Variants in PLB1 observed in about 807,000 individuals in gnomAD.
PLB1 encodes the protein phospholipase B1, also known as phospholipase B1, membrane-associated.
In PLB1, 242 loss-of-function variants were observed where a neutral mutation model predicts 227.4. The observed-to-expected ratio is 1.06, with a 90% CI of 0.96 to 1.18. PLB1 has a LOEUF of 1.18. PLB1 is among the 50% of genes most tolerant of loss of function. The pLI, the probability that PLB1 is intolerant of heterozygous loss-of-function variation, is 0.00. For synonymous variants in PLB1, 757 were observed against 682.2 expected (o/e 1.11, Z -1.71); for missense variants, 1,858 against 1,816.3 (o/e 1.02, Z -0.42).
At chr2:28,634,508 A>T (rs1266152061) in intron 56 of PLB1, among the ~76,000 whole-genome samples, 1 of 152,080 alleles carries the variant, frequency 6.6e-6, no homozygotes, top group Admixed American at 6.6e-5. Flanking sequence ...TGGCACTCCA[A>T]GTCTGCTTAA....
Position 28,547,905 on chromosome 2 carries a change from A to C in PLB1, c.937-955A>C, listed in dbSNP as rs17006995. 7.2e-3 allele frequency among the ~76,000 whole-genome samples: 1,101 copies of C among 152,204 alleles called. 15 individuals carry two copies. The highest frequency in any genetic ancestry group is 0.025 in the African/African-American group (1,022 of 41,500). Reference sequence around the variant, plus strand: ...ATTCTTTAACGGCCTTCACTTCCCTATGTCTAATGCTTTACTAAGTTGATA... The same window carrying C: ...ATTCTTTAACGGCCTTCACTTCCCTCTGTCTAATGCTTTACTAAGTTGATA... On this transcript the variant is annotated intron_variant, in intron 14 of 57. Coordinates refer to ENST00000327757, the MANE Select transcript of PLB1 (RefSeq NM_153021.5).
chr2:28,596,732 C>G (rs1445671712), intron 33 of PLB1, among the ~76,000 whole-genome samples: 1 of 152,242 alleles, frequency 6.6e-6, no homozygotes, highest in Non-Finnish European at 1.5e-5. Context: ...GCTCAGACAT[C>G]TAACGGAAGG....
rs754451262 is a variant in PLB1, at chr2:28,632,031, C to G, written c.3898-5C>G. On this transcript the variant is annotated splice_polypyrimidine_tract_variant and splice_region_variant and intron_variant, in intron 54 of 57. Transcript: ENST00000327757. The stretch of plus-strand genomic sequence containing the variant: ...GGGTTGAGCAGCTTCTCTCTCTGTC[C>G]CCAGCATGGCATCTCCAGTTTCTCC... 1 of 1,612,070 alleles carries G rather than the reference C, an allele frequency of 6.2e-7. No homozygotes were observed. The highest frequency in any genetic ancestry group is 8.5e-7 in the Non-Finnish European group (1 of 1,178,378).
Position 28,498,413 on chromosome 2 carries a change from A to G in PLB1, c.55+2244A>G, listed in dbSNP as rs550050084. ...AAAATATTGTGTTCAGGCACATGCC[A>G]CCATGCCTGGCTAATTTTAGTATTT... On this transcript the variant is annotated intron_variant, in intron 1 of 57. Coordinates refer to ENST00000327757, the MANE Select transcript of PLB1 (RefSeq NM_153021.5). Among the ~76,000 whole-genome samples the G allele has an allele frequency of 2.3e-3, 338 of 147,692 alleles. 5 individuals carry two copies. Among genetic ancestry groups the G allele is most frequent in the Non-Finnish European group, 3.0e-3 (195 of 65,670 alleles).
chr2:28,613,658 C>T (rs527542405), intron 43 of PLB1, among the ~76,000 whole-genome samples: 73 of 152,222 alleles, frequency 4.8e-4, no homozygotes, highest in African/African-American at 1.8e-3. Flanking sequence ...TATTGATAAT[C>T]ATAACACTTT....
At chr2:28,636,090 A>T (rs1689329590) in intron 56 of PLB1, among the ~76,000 whole-genome samples, 1 of 151,580 alleles carries the variant, frequency 6.6e-6, no homozygotes, top group African/African-American at 2.4e-5. Flanking sequence ...ACAGAGTCTC[A>T]CTCTGTTGCC....
chr2:28,530,272 A>G (rs1244310613), intron 8 of PLB1, among the ~76,000 whole-genome samples: 1 of 152,114 alleles, frequency 6.6e-6, no homozygotes. Flanking sequence ...TCCAGGTGAG[A>G]CTGGTTTGAG....
At chr2:28,531,441 A>G (rs1476415655) in intron 8 of PLB1, among the ~76,000 whole-genome samples, 1 of 152,048 alleles carries the variant, frequency 6.6e-6, no homozygotes, top group African/African-American at 2.4e-5. Context: ...CCTCCCAAGT[A>G]GCTGGGATTA....
Position 28,641,007 on chromosome 2 carries a change from TA to T in PLB1, c.4173+9del, listed in dbSNP as rs1427597354. On this transcript the variant is annotated splice_region_variant and intron_variant, in intron 57 of 57. Transcript: ENST00000327757. Reference sequence around the variant, plus strand: ...AACTCAAGTGCCCCTCTCCTGTGAGTAAACGTCCTGCCTGCCCCAGGTGGAA... The same window carrying T: ...AACTCAAGTGCCCCTCTCCTGTGAGTAACGTCCTGCCTGCCCCAGGTGGAA... 6.2e-7 allele frequency: 1 copy of T among 1,612,432 alleles called. No homozygotes were observed. The highest frequency in any genetic ancestry group is 8.5e-7 in the Non-Finnish European group (1 of 1,179,280).
chr2:28,541,528 C>T (rs1054628267), intron 12 of PLB1, among the ~76,000 whole-genome samples, 179 bp from the exon 13 acceptor site: 1 of 152,210 alleles, frequency 6.6e-6, no homozygotes, highest in African/African-American at 2.4e-5. Context: ...AATGAAAACT[C>T]AGCTTAGCTA....
intron 43 of PLB1, among the ~76,000 whole-genome samples, chr2:28,607,081 G>A (rs1405221753): frequency 1.3e-5 from 2 of 152,168 alleles, no homozygotes; most frequent in Non-Finnish European, 2.9e-5. Flanking sequence ...ACGAGGGTGG[G>A]CCTACCAGGA....
chr2:28,549,920 G>T, intron 15 of PLB1, 90 bp from the exon 16 acceptor site: 1 of 1,081,762 alleles, frequency 9.2e-7, no homozygotes, highest in Non-Finnish European at 1.4e-6. Context: ...GTTCCTAGTT[G>T]GCCAAAAGCA....
chr2:28,638,486 G>C (rs779065681), intron 56 of PLB1, among the ~76,000 whole-genome samples: 3 of 152,108 alleles, frequency 2.0e-5, no homozygotes, highest in Admixed American at 6.6e-5. Context: ...CGTGTACCCT[G>C]GACTGGAAGA....
chr2:28,626,899 T>C (rs1687874727), intron 51 of PLB1, among the ~76,000 whole-genome samples: 1 of 152,208 alleles, frequency 6.6e-6, no homozygotes, highest in Non-Finnish European at 1.5e-5. Context: ...TGGGGTTGGA[T>C]GGGTCATCAC....
intron 27 of PLB1, 29 bp downstream of exon 27, chr2:28,589,583 A>G (rs1681516130): frequency 1.9e-6 from 3 of 1,611,490 alleles, no homozygotes; most frequent in Non-Finnish European, 2.5e-6. Context: ...GTAGAAAAAT[A>G]GAATCCACAG....
chr2:28,542,747 T>A (rs1672686889), intron 13 of PLB1, among the ~76,000 whole-genome samples: 1 of 152,056 alleles, frequency 6.6e-6, no homozygotes, highest in Admixed American at 6.5e-5. Flanking sequence ...CTGACCGAGG[T>A]CTCCGTAGCC....
chr2:28,641,029 T>C (rs762883026), intron 57 of PLB1, 28 bp downstream of exon 57: 9 of 1,601,898 alleles, frequency 5.6e-6, no homozygotes, highest in Non-Finnish European at 7.7e-6. Flanking sequence ...CTGCCCCAGG[T>C]GGAACAGATG....
rs963274225 is a variant in PLB1 at position 28,529,520 on chromosome 2, T to G, written c.416+113T>G. The stretch of plus-strand genomic sequence containing the variant: ...TCAAAGAGGCTTAAAAATAGAAGTA[T>G]TTAAGTCAAAGCCCAAATGCCCCCT... On this transcript the variant is annotated intron_variant, in intron 7 of 57. Coordinates refer to ENST00000327757, the MANE Select transcript of PLB1 (RefSeq NM_153021.5). 6.7e-6 allele frequency: 7 copies of G among 1,045,706 alleles called. No individual in the cohort carries two copies. The African/African-American group carries it at 9.6e-5, about 14-fold the overall frequency. The allele number at this position is 1,045,706 out of a possible 1,614,324, so 64.8% of individuals were successfully genotyped here. A position where few individuals can be genotyped will look rare whatever the true frequency, so the allele number is the denominator to read the frequency against.
intron 49 of PLB1, 117 bp from the exon 50 acceptor site, chr2:28,624,940 C>T (rs1477670919): frequency 4.1e-6 from 4 of 970,402 alleles, no homozygotes; most frequent in Non-Finnish European, 6.5e-6. Context: ...ATGGAATGAC[C>T]TTTGTACTGG....
Sources: gnomAD v4.1 joint callset for allele counts (sites outside exome capture counted in the v4.1 genomes callset) on GRCh38, gnomAD v4.1.1 for gene constraint, MANE v1.5 for transcripts, NCBI Gene and HGNC (gene_info 2026-07-23, HGNC 2026-07-21) for gene names.